Variants in NRG3 observed in about 807,000 individuals in gnomAD.
The protein encoded by NRG3 is neuregulin 3.
Under a neutral mutation model 66.9 loss-of-function variants are expected in NRG3, and 31 were observed. The ratio of observed to expected loss-of-function variants is 0.46; its 90% confidence interval spans 0.35 to 0.63. The LOEUF (loss-of-function observed/expected upper bound fraction) is 0.63, where lower values mean the gene tolerates loss of function less well. NRG3 is among the 20% of genes least tolerant of loss of function. The probability of loss-of-function intolerance (pLI) is 0.00; values close to 1 mark genes in which losing one functional copy is unlikely to be tolerated. For missense variants in NRG3, 910 were observed against 878.9 expected (o/e 1.04, Z -0.45); for synonymous variants, 393 against 359.4 (o/e 1.09, Z -1.06).
At chr10:82,167,080 A>G (rs1698257771) in intron 1 of NRG3, among the ~76,000 whole-genome samples, 1 of 151,774 alleles carries the variant, frequency 6.6e-6, no homozygotes, top group Admixed American at 6.6e-5. Context: ...ACCTTTATAT[A>G]GTTTTATTCT....
intron 2 of NRG3, among the ~76,000 whole-genome samples, chr10:82,641,312 C>T (rs937727525): frequency 1.6e-4 from 24 of 152,088 alleles, no homozygotes; most frequent in Admixed American, 3.9e-4. Flanking sequence ...GTGATCTGTG[C>T]GCTTGTGTAT....
intron 2 of NRG3, among the ~76,000 whole-genome samples, chr10:82,384,439 C>T (rs1274311408): frequency 2.6e-5 from 4 of 152,152 alleles, no homozygotes; most frequent in East Asian, 1.9e-4. Context: ...CCAACCCCCA[C>T]CCTCTGACAG....
chr10:82,204,930 A>G (rs2075043032), intron 1 of NRG3, among the ~76,000 whole-genome samples: 1 of 152,270 alleles, frequency 6.6e-6, no homozygotes. Context: ...AGTCCTAAAC[A>G]TGGAAGACAT....
intron 2 of NRG3, among the ~76,000 whole-genome samples, chr10:82,368,873 G>A (rs2084706165): frequency 7.2e-6 from 1 of 138,184 alleles, no homozygotes; most frequent in South Asian, 2.2e-4. Context: ...AAGCTTCTTG[G>A]GTAAATATTT....
chr10:82,075,662 A>G (rs891825723), intron 1 of NRG3, among the ~76,000 whole-genome samples: 4 of 152,034 alleles, frequency 2.6e-5, no homozygotes, highest in African/African-American at 9.7e-5. Context: ...TGTATGGATG[A>G]TTTTTTATTT....
chr10:82,276,341 G>T (rs1343234821), intron 1 of NRG3, among the ~76,000 whole-genome samples: 2 of 151,806 alleles, frequency 1.3e-5, no homozygotes, highest in African/African-American at 2.4e-5. Flanking sequence ...GAATAAACTG[G>T]CTCTAAAATG....
chr10:82,111,037 T>C (rs1329601027), intron 1 of NRG3, among the ~76,000 whole-genome samples: 1 of 152,202 alleles, frequency 6.6e-6, no homozygotes, highest in South Asian at 2.1e-4. Context: ...GCAAAACTTT[T>C]CTGTTGCCTG....
At chr10:82,347,425 T>C (rs1328467358) in intron 1 of NRG3, among the ~76,000 whole-genome samples, 2 of 152,200 alleles carry the variant, frequency 1.3e-5, no homozygotes. Context: ...CACTGTGGTC[T>C]GAGAGACAGT....
chr10:82,402,608 C>T (rs2087193276), intron 2 of NRG3, among the ~76,000 whole-genome samples: 1 of 152,148 alleles, frequency 6.6e-6, no homozygotes, highest in South Asian at 2.1e-4. Context: ...TTTCCAGGGA[C>T]AGCCTGTGAA....
intron 1 of NRG3, among the ~76,000 whole-genome samples, chr10:82,258,321 T>C (rs562645434): frequency 2.0e-5 from 3 of 152,232 alleles, no homozygotes; most frequent in Non-Finnish European, 4.4e-5. Flanking sequence ...TAATTAGGAC[T>C]CAACATTTTT....
chr10:82,128,527 T>C (rs1395930717), intron 1 of NRG3, among the ~76,000 whole-genome samples: 1 of 152,064 alleles, frequency 6.6e-6, no homozygotes, highest in Non-Finnish European at 1.5e-5. Context: ...GAAATGCCTT[T>C]TGCATTTGTT....
At chr10:82,237,319 C>T (rs981370004) in intron 1 of NRG3, among the ~76,000 whole-genome samples, 11 of 152,154 alleles carry the variant, frequency 7.2e-5, no homozygotes, top group African/African-American at 2.4e-4. Flanking sequence ...TTCTTTATAT[C>T]CATCAGGTGT....
intron 2 of NRG3, among the ~76,000 whole-genome samples, chr10:82,599,721 G>A (rs1737537665): frequency 6.6e-6 from 1 of 152,142 alleles, no homozygotes; most frequent in Non-Finnish European, 1.5e-5. Flanking sequence ...GGAGGCTGAG[G>A]CATGAGAATC....
intron 2 of NRG3, among the ~76,000 whole-genome samples, chr10:82,408,189 A>T (rs1237975301): frequency 1.3e-5 from 2 of 152,144 alleles, no homozygotes; most frequent in Non-Finnish European, 1.5e-5. Flanking sequence ...TTCGAAGGAA[A>T]CTAATAAGAT....
intron 2 of NRG3, among the ~76,000 whole-genome samples, chr10:82,432,459 G>T (rs1415240087): frequency 6.8e-6 from 1 of 146,352 alleles, no homozygotes; most frequent in Non-Finnish European, 1.5e-5. Flanking sequence ...GTATTCCATT[G>T]CATATATACA....
intron 1 of NRG3, among the ~76,000 whole-genome samples, chr10:82,120,725 C>T (rs1342915238): frequency 6.6e-6 from 1 of 152,092 alleles, no homozygotes; most frequent in Non-Finnish European, 1.5e-5. Context: ...AAGATTCTAT[C>T]TAGTCATACA....
chr10:82,677,970 G>A (rs930865222), intron 2 of NRG3, among the ~76,000 whole-genome samples: 1 of 152,092 alleles, frequency 6.6e-6, no homozygotes, highest in East Asian at 1.9e-4. Flanking sequence ...CCACATGCAC[G>A]GTGTGTTTAC....
intron 1 of NRG3, among the ~76,000 whole-genome samples, chr10:82,340,488 A>C (rs890889464): frequency 6.6e-6 from 1 of 152,238 alleles, no homozygotes; most frequent in Non-Finnish European, 1.5e-5. Flanking sequence ...ATATCTGAAC[A>C]CTAGAATAAA....
At chr10:82,476,072 G>A (rs1441072717) in intron 2 of NRG3, among the ~76,000 whole-genome samples, 1 of 151,978 alleles carries the variant, frequency 6.6e-6, no homozygotes, top group African/African-American at 2.4e-5. Context: ...TGGCCAATAA[G>A]CACATGAAAA....
Sources: gnomAD v4.1 joint callset for allele counts (sites outside exome capture counted in the v4.1 genomes callset) on GRCh38, gnomAD v4.1.1 for gene constraint, MANE v1.5 for transcripts, NCBI Gene and HGNC (gene_info 2026-07-23, HGNC 2026-07-21) for gene names.